Variants in CNTNAP2 observed in about 807,000 individuals in gnomAD.
The protein encoded by CNTNAP2 is contactin-associated protein-like 2.
In CNTNAP2, 98 loss-of-function variants were observed where a neutral mutation model predicts 155.2. The observed-to-expected ratio is 0.63, with a 90% CI of 0.54 to 0.75. The LOEUF is 0.75. CNTNAP2 is among the 30% of genes least tolerant of loss of function. The pLI is 0.00. For synonymous variants in CNTNAP2, 651 were observed against 631.2 expected (o/e 1.03, Z -0.47); for missense variants, 1,727 against 1,688.1 (o/e 1.02, Z -0.40).
chr7:147,416,709 T>C (rs975679708), intron 10 of CNTNAP2, among the ~76,000 whole-genome samples: 2 of 152,196 alleles, frequency 1.3e-5, no homozygotes, highest in African/African-American at 4.8e-5. Context: ...TGGGGCTGGA[T>C]GGGAGGGCTG....
chr7:148,262,575 ACT>A (rs1336627484), intron 20 of CNTNAP2, among the ~76,000 whole-genome samples: 3 of 151,160 alleles, frequency 2.0e-5, no homozygotes, highest in African/African-American at 7.3e-5. Context: ...TCCTCACGTC[ACT>A]CTAACTTCTG....
intron 3 of CNTNAP2, among the ~76,000 whole-genome samples, chr7:147,009,293 T>A (rs193150461): frequency 4.6e-5 from 7 of 152,238 alleles, no homozygotes; most frequent in Non-Finnish European, 7.4e-5. Context: ...TTTTTCCCCA[T>A]TCTGCTTATA....
intron 9 of CNTNAP2, among the ~76,000 whole-genome samples, chr7:147,310,595 G>A (rs1795105794): frequency 6.6e-6 from 1 of 152,176 alleles, no homozygotes; most frequent in African/African-American, 2.4e-5. Context: ...GTGCAAATAT[G>A]TGATAGGTGT....
intron 18 of CNTNAP2, among the ~76,000 whole-genome samples, chr7:148,198,533 C>T (rs1218068598): frequency 2.0e-5 from 3 of 152,190 alleles, no homozygotes; most frequent in East Asian, 3.9e-4. Flanking sequence ...GAAATAACTA[C>T]ATCCCTGCTC....
intron 15 of CNTNAP2, among the ~76,000 whole-genome samples, chr7:147,996,997 C>A (rs978590528): frequency 1.3e-5 from 2 of 152,142 alleles, no homozygotes; most frequent in Non-Finnish European, 2.9e-5. Context: ...GTAAAAGAGA[C>A]CCCAGAGAGC....
At chr7:147,054,433 G>A (rs1379602616) in intron 4 of CNTNAP2, among the ~76,000 whole-genome samples, 4 of 152,040 alleles carry the variant, frequency 2.6e-5, no homozygotes, top group Non-Finnish European at 2.9e-5. Context: ...CCTGAGATAC[G>A]TTAACTACTT....
At chr7:146,987,868 T>C (rs755295417) in intron 3 of CNTNAP2, among the ~76,000 whole-genome samples, 1 of 152,112 alleles carries the variant, frequency 6.6e-6, no homozygotes, top group Non-Finnish European at 1.5e-5. Context: ...TATAACTATT[T>C]TATAATCATC....
chr7:147,054,162 A>G (rs987873876), intron 4 of CNTNAP2, among the ~76,000 whole-genome samples: 4 of 152,132 alleles, frequency 2.6e-5, no homozygotes, highest in Non-Finnish European at 2.9e-5. Flanking sequence ...AGAAAATACA[A>G]TTTTGTGAAT....
intron 1 of CNTNAP2, among the ~76,000 whole-genome samples, chr7:146,179,993 C>T (rs1481842581): frequency 3.3e-5 from 5 of 152,164 alleles, no homozygotes; most frequent in African/African-American, 9.7e-5. Context: ...TTCTCCGCCA[C>T]TTCCAAGCCA....
At chr7:147,822,758 C>T (rs1798381395) in intron 13 of CNTNAP2, among the ~76,000 whole-genome samples, 1 of 152,142 alleles carries the variant, frequency 6.6e-6, no homozygotes, top group Admixed American at 6.6e-5. Flanking sequence ...TGATGATTAT[C>T]ATTGCGATGT....
At chr7:146,838,924 T>C (rs1803667869) in intron 2 of CNTNAP2, among the ~76,000 whole-genome samples, 1 of 152,182 alleles carries the variant, frequency 6.6e-6, no homozygotes, top group African/African-American at 2.4e-5. Flanking sequence ...TTATGCCATA[T>C]TTTCTGTAAC....
intron 12 of CNTNAP2, among the ~76,000 whole-genome samples, chr7:147,615,255 G>A (rs57752659): frequency 0.69 from 88,009 of 128,222 alleles, 30,598 homozygotes; most frequent in African/African-American, 0.78. Flanking sequence ...CTTGGGTGAC[G>A]GAGAGGAGCG....
intron 13 of CNTNAP2, among the ~76,000 whole-genome samples, chr7:147,851,187 G>A (rs1798932367): frequency 6.6e-6 from 1 of 152,062 alleles, no homozygotes; most frequent in Non-Finnish European, 1.5e-5. Context: ...ATCATCACTG[G>A]CCATCAGAGA....
intron 1 of CNTNAP2, among the ~76,000 whole-genome samples, chr7:146,530,462 A>T (rs1437085249): frequency 6.6e-6 from 1 of 152,204 alleles, no homozygotes; most frequent in African/African-American, 2.4e-5. Flanking sequence ...ATGGGAGAAA[A>T]TAGTTACAAA....
At chr7:146,914,616 C>T (rs1194496205) in intron 3 of CNTNAP2, among the ~76,000 whole-genome samples, 1 of 151,992 alleles carries the variant, frequency 6.6e-6, no homozygotes, top group African/African-American at 2.4e-5. Context: ...ATTGTATATT[C>T]ATGTCCTTAG....
intron 1 of CNTNAP2, among the ~76,000 whole-genome samples, chr7:146,685,074 AC>A (rs1430852562): frequency 6.6e-6 from 1 of 152,160 alleles, no homozygotes; most frequent in Non-Finnish European, 1.5e-5. Context: ...AGAATGATGC[AC>A]AGGTACCATT....
At chr7:147,101,247 G>A (rs989971833) in intron 4 of CNTNAP2, among the ~76,000 whole-genome samples, 1 of 152,170 alleles carries the variant, frequency 6.6e-6, no homozygotes, top group African/African-American at 2.4e-5. Context: ...TTTTTGGAAA[G>A]AGTTTATTTC....
At chr7:147,832,469 T>C (rs1798565372) in intron 13 of CNTNAP2, among the ~76,000 whole-genome samples, 1 of 146,690 alleles carries the variant, frequency 6.8e-6, no homozygotes. Context: ...GTTTCAGAAA[T>C]ATCTCACCCA....
intron 1 of CNTNAP2, among the ~76,000 whole-genome samples, chr7:146,422,504 C>G (rs1796027421): frequency 6.6e-6 from 1 of 150,624 alleles, no homozygotes; most frequent in Non-Finnish European, 1.5e-5. Context: ...TTTTTTTTTC[C>G]CACTTGACAT....
Sources: allele counts gnomAD v4.1 joint callset (sites outside exome capture counted in the v4.1 genomes callset), GRCh38; gene constraint gnomAD v4.1.1; transcripts MANE v1.5; gene names NCBI Gene and HGNC (gene_info 2026-07-23, HGNC 2026-07-21).